The following ABCC2 variants were observed in gnomAD, a reference collection of about 807,000 sequenced individuals.
The protein encoded by ABCC2 is ATP binding cassette subfamily C member 2.
ABCC2 carries 157 observed loss-of-function variants against 173.4 expected under a neutral mutation model. The ratio of observed to expected loss-of-function variants is 0.91; its 90% CI spans 0.80 to 1.03. ABCC2 has a LOEUF of 1.03. Among genes scored for constraint, ABCC2 ranks in the 50% least tolerant of loss-of-function variants. ABCC2 has a pLI of 0.00. For synonymous variants in ABCC2, 657 were observed against 693.5 expected, an observed-to-expected ratio of 0.95 and a Z score of 0.83; for missense variants, 1,822 against 1,852.3, an observed-to-expected ratio of 0.98 and a Z score of 0.30.
At chr10:99,833,788 A>G (rs1283083362) in intron 23 of ABCC2, among the ~76,000 whole-genome samples, 1 of 152,222 alleles carries the variant, frequency 6.6e-6, no homozygotes, top group Non-Finnish European at 1.5e-5. Flanking sequence ...ATTACCAATC[A>G]TAGAATCAAT....
rs145715632 is a variant in ABCC2 at position 99,850,615 on chromosome 10, C to A, written c.4327C>A (p.Gln1443Lys). 1 of 1,614,030 alleles carries A rather than the reference C, an allele frequency of 6.2e-7. No individual in the cohort carries two copies. The highest frequency in any genetic ancestry group is 1.3e-5 in the African/African-American group (1 of 74,920). Residue 1443 changes from glutamine to lysine, a missense_variant, in exon 31 of 32, where the codon CAG becomes AAG. By Grantham distance (53) the Gln-to-Lys change is moderately conservative. Transcript: ENST00000647814. ...AGGNLSIGQR[Q>K]LLCLGRALLR... The stretch of plus-strand genomic sequence containing the variant: ...TATTGGCTGCAGCATAGGCCAGAGG[C>A]AGCTGCTGTGCCTGGGCAGGGCTCT...
At position 99,817,418 on chromosome 10, in the gene ABCC2, G is replaced by A; in HGVS notation, c.2205G>A (p.Glu735=). The A allele has an allele frequency of 1.2e-6, 2 of 1,614,144 alleles. No individual in the cohort carries two copies. Among genetic ancestry groups the A allele is most frequent in the Non-Finnish European group, 1.7e-6 (2 of 1,180,024 alleles). ...FNEKRYQQVL[E]ACALLPDLEM... is the part of the protein sequence containing the mutation. ...AAAAGAGGTACCAGCAAGTACTGGA[G>A]GCCTGTGCTCTCCTCCCAGACTTGG... Residue 735 remains glutamate, a synonymous_variant, in exon 17 of 32, where the codon GAG becomes GAA. Coordinates refer to ENST00000647814, the MANE Select transcript of ABCC2 (RefSeq NM_000392.5).
intron 6 of ABCC2, among the ~76,000 whole-genome samples, chr10:99,795,052 T>A (rs145919603): frequency 6.6e-6 from 1 of 151,876 alleles, no homozygotes; most frequent in Non-Finnish European, 1.5e-5. Flanking sequence ...AAGGAAAAAT[T>A]TGGAGGCAGG....
intron 2 of ABCC2, among the ~76,000 whole-genome samples, chr10:99,785,380 C>A (rs1402738891): frequency 1.3e-5 from 2 of 152,160 alleles, no homozygotes; most frequent in African/African-American, 4.8e-5. Flanking sequence ...AGGGGAGGAG[C>A]CCTCAGCCAG....
chr10:99,795,824 A>G (rs1269311132), intron 6 of ABCC2, among the ~76,000 whole-genome samples: 1 of 151,810 alleles, frequency 6.6e-6, no homozygotes, highest in Non-Finnish European at 1.5e-5. Flanking sequence ...GCTAGATTTC[A>G]GTTAGATGCT....
intron 14 of ABCC2, among the ~76,000 whole-genome samples, chr10:99,811,144 G>T (rs1217565165): frequency 1.3e-5 from 2 of 151,436 alleles, no homozygotes; most frequent in African/African-American, 4.9e-5. Flanking sequence ...TAGCCTGGGT[G>T]ACATGGTGAA....
intron 26 of ABCC2, 128 bp downstream of exon 26, chr10:99,842,221 C>A: frequency 7.6e-7 from 1 of 1,317,010 alleles, no homozygotes. Flanking sequence ...GACTGAGGTT[C>A]AAACCCTGGC....
intron 16 of ABCC2, 79 bp downstream of exon 16, chr10:99,813,223 G>C: frequency 6.5e-7 from 1 of 1,540,998 alleles, no homozygotes; most frequent in Non-Finnish European, 8.8e-7. Context: ...TGGGGAGAAG[G>C]CACTGAGGGC....
At chr10:99,783,337 A>T (rs1190911801) in intron 1 of ABCC2, among the ~76,000 whole-genome samples, 23 of 152,242 alleles carry the variant, frequency 1.5e-4, no homozygotes, top group Admixed American at 1.5e-3. Flanking sequence ...AACTTTGGGC[A>T]TCATGAGCAT....
chr10:99,830,653 C>T (rs1175239401), intron 20 of ABCC2, 63 bp from the exon 21 acceptor site: 10 of 1,610,490 alleles, frequency 6.2e-6, no homozygotes, highest in African/African-American at 1.3e-5. Flanking sequence ...GTGACTGTGA[C>T]ATCTGCTTGC....
intron 19 of ABCC2, among the ~76,000 whole-genome samples, chr10:99,830,106 C>T (rs1480577367): frequency 6.6e-6 from 1 of 152,166 alleles, no homozygotes; most frequent in Non-Finnish European, 1.5e-5. Context: ...TTCATCTCTC[C>T]TTTATCCTGA....
chr10:99,846,888 T>C (rs2039025283), intron 29 of ABCC2, 73 bp from the exon 30 acceptor site: 1 of 1,584,946 alleles, frequency 6.3e-7, no homozygotes, highest in African/African-American at 1.3e-5. Context: ...ATCCACCATC[T>C]CCCAGTCCTG....
At chr10:99,829,781 C>G (rs1190104990) in intron 19 of ABCC2, among the ~76,000 whole-genome samples, 1 of 152,170 alleles carries the variant, frequency 6.6e-6, no homozygotes, top group Non-Finnish European at 1.5e-5. Flanking sequence ...CATGCACCAT[C>G]ACACCCTGCT....
At chr10:99,808,306 C>T in intron 13 of ABCC2, 77 bp downstream of exon 13, 1 of 1,561,858 alleles carries the variant, frequency 6.4e-7, no homozygotes. Flanking sequence ...GCTATCACAT[C>T]CCATGTCTAA....
chr10:99,805,462 G>GT lies in ABCC2; in HGVS notation c.1530+16dup. The GT allele has an allele frequency of 6.2e-7, 1 of 1,612,954 alleles. No homozygotes were observed. The highest frequency in any genetic ancestry group is 8.5e-7 in the Non-Finnish European group (1 of 1,178,982). ...GTGGAATCAAGGTGAGAATCTGAGC[G>GT]TAGGTGGCTCTCTGTGGGTAAGGAC... On this transcript the variant is annotated intron_variant, in intron 11 of 31. Transcript: ENST00000647814.
intron 10 of ABCC2, 61 bp from the exon 11 acceptor site, chr10:99,805,321 C>A: frequency 6.7e-7 from 1 of 1,501,302 alleles, no homozygotes; most frequent in Non-Finnish European, 9.3e-7. Context: ...ATGTCTGCAG[C>A]AAACCTGAGC....
At chr10:99,843,292 C>T (rs1423388606) in intron 26 of ABCC2, among the ~76,000 whole-genome samples, 8 of 152,222 alleles carry the variant, frequency 5.3e-5, no homozygotes, top group Non-Finnish European at 8.8e-5. Context: ...AAAGTGGATA[C>T]TCTGAGTCCC....
intron 16 of ABCC2, among the ~76,000 whole-genome samples, chr10:99,814,211 A>ATATG (rs749699175): frequency 6.1e-5 from 3 of 49,184 alleles, no homozygotes; most frequent in African/African-American, 2.8e-4. Context: ...ATATACACAC[A>ATATG]TGTGTATATA....
intron 5 of ABCC2, among the ~76,000 whole-genome samples, 194 bp downstream of exon 5, chr10:99,794,193 T>C (rs1185507420): frequency 6.6e-6 from 1 of 152,200 alleles, no homozygotes; most frequent in Non-Finnish European, 1.5e-5. Flanking sequence ...CAATTGTCAG[T>C]GTAATTAATT....
Sources: gnomAD v4.1 joint callset for allele counts (sites outside exome capture counted in the v4.1 genomes callset) on GRCh38, gnomAD v4.1.1 for gene constraint, MANE v1.5 for transcripts, NCBI Gene and HGNC (gene_info 2026-07-23, HGNC 2026-07-21) for gene names.